The following MEP1A variants were observed in gnomAD, a reference collection of about 807,000 sequenced individuals.
MEP1A encodes the protein N-benzoyl-L-tyrosyl-P-amino-benzoic acid hydrolase subunit alpha.
MEP1A carries 68 observed loss-of-function variants against 84.5 expected under a neutral mutation model. The observed-to-expected ratio is 0.80, with a 90% CI of 0.66 to 0.98. The LOEUF (loss-of-function observed/expected upper bound fraction) is 0.98. MEP1A is among the 50% of genes least tolerant of loss of function. The pLI is 0.00. For synonymous variants in MEP1A, 337 were observed against 336.8 expected (o/e 1.00, Z -0.01); for missense variants, 887 against 919.9 (o/e 0.96, Z 0.46).
In MEP1A at chr6:46,819,625, T is replaced by C; in HGVS notation, c.477T>C (p.His159=). ...CCATCATAGAACACGAGATCCTGCA[T>C]GCTTTGGGATTTTACCACGAGCAGT... ...YKAIIEHEIL[H]ALGFYHEQSR... is the part of the protein sequence containing the mutation. The change falls in exon 7 of 14, where the codon CAT becomes CAC. Residue 159 remains histidine (H), a synonymous_variant. Coordinates refer to ENST00000230588, the MANE Select transcript of MEP1A (RefSeq NM_005588.3). The C allele has an allele frequency of 6.2e-7, 1 of 1,614,138 alleles. No homozygotes were observed. Among genetic ancestry groups the C allele is most frequent in the Non-Finnish European group, 8.5e-7 (1 of 1,179,994 alleles).
intron 10 of MEP1A, among the ~76,000 whole-genome samples, chr6:46,830,342 G>A (rs970315481): frequency 6.7e-6 from 1 of 150,084 alleles, no homozygotes; most frequent in Non-Finnish European, 1.5e-5. Flanking sequence ...TTAATATGCT[G>A]AAGTAACTTG....
downstream of MEP1A, among the ~76,000 whole-genome samples, chr6:46,843,411 C>A (rs1357507119): frequency 6.6e-6 from 1 of 152,186 alleles, no homozygotes; most frequent in Non-Finnish European, 1.5e-5. Flanking sequence ...GTTCACTGGG[C>A]CTGCCAGAGT....
chr6:46,797,363 A>G (rs746766633), intron 3 of MEP1A, among the ~76,000 whole-genome samples: 1 of 152,246 alleles, frequency 6.6e-6, no homozygotes, highest in Non-Finnish European at 1.5e-5. Flanking sequence ...TTAATGCTTG[A>G]GAAATTTTCC....
downstream of MEP1A, among the ~76,000 whole-genome samples, chr6:46,841,865 C>A (rs9296513): frequency 0.71 from 107,734 of 152,118 alleles, 39,080 homozygotes; most frequent in African/African-American, 0.86. Flanking sequence ...TCTGCTACAC[C>A]TTCATATTTG....
rs532353975 is a variant in MEP1A at position 46,797,087 on chromosome 6, G to A, written c.146-1519G>A. 2.6e-3 allele frequency among the ~76,000 whole-genome samples: 396 copies of A among 152,336 alleles called. 1 individual carries two copies. The highest frequency in any genetic ancestry group is 3.9e-3 in the Non-Finnish European group (264 of 68,034). ...GATAGCCCTAGTTAGTCACTGGCAA[G>A]TGAAATCATGATGCCTGCTAATACC... On this transcript the variant is annotated intron_variant, in intron 3 of 13. Transcript: ENST00000230588.
intron 7 of MEP1A, among the ~76,000 whole-genome samples, chr6:46,821,397 C>G (rs908550459): frequency 2.0e-5 from 3 of 152,168 alleles, no homozygotes; most frequent in African/African-American, 7.2e-5. Flanking sequence ...AGTTTTGGAG[C>G]ATATTCACCC....
intron 5 of MEP1A, among the ~76,000 whole-genome samples, chr6:46,807,814 A>G (rs190744409): frequency 3.5e-4 from 52 of 149,896 alleles, no homozygotes; most frequent in Middle Eastern, 7.0e-3. Context: ...AAAGAAAGAA[A>G]GAAAGAAAGA....
chr6:46,819,712 T>C lies in MEP1A; in HGVS notation c.556+8T>C. 6.2e-7 allele frequency: 1 copy of C among 1,611,988 alleles called. No homozygotes were observed. The highest frequency in any genetic ancestry group is 8.5e-7 in the Non-Finnish European group (1 of 1,178,880). On this transcript the variant is annotated splice_region_variant and intron_variant, in intron 7 of 13. Coordinates refer to ENST00000230588, the MANE Select transcript of MEP1A (RefSeq NM_005588.3). The stretch of plus-strand genomic sequence containing the variant: ...GGGACCAAATTCTTTCAGGTGTGAT[T>C]GGGCGGAGATTGCTATCACATTTAT...
chr6:46,825,903 TG>T (rs1767931763), intron 8 of MEP1A, among the ~76,000 whole-genome samples: 1 of 152,242 alleles, frequency 6.6e-6, no homozygotes, highest in African/African-American at 2.4e-5. Flanking sequence ...GAAAGCATTT[TG>T]TATCCTGTAA....
At chr6:46,820,173 AAAAACAAAAAT>A (rs1184629126) in intron 7 of MEP1A, among the ~76,000 whole-genome samples, 1 of 152,210 alleles carries the variant, frequency 6.6e-6, no homozygotes, top group Non-Finnish European at 1.5e-5. Flanking sequence ...GTTTAAAAAC[AAAAACAAAAAT>A]AAATGCTTTT....
chr6:46,796,006 A>T (rs1156364262), intron 3 of MEP1A, among the ~76,000 whole-genome samples: 1 of 152,136 alleles, frequency 6.6e-6, no homozygotes, highest in Non-Finnish European at 1.5e-5. Flanking sequence ...TCAGAGTGTG[A>T]GTCAATCTGC....
rs1420616959 is a variant in MEP1A, at chr6:46,839,505, G to T, written c.*369G>T. ...GGCACATTGTTGGCACTCAACAATG[G>T]TTGAATGAATAAAACAATAAATGAA... On this transcript the variant is annotated 3_prime_UTR_variant, in exon 14 of 14. Coordinates refer to ENST00000230588, the MANE Select transcript of MEP1A (RefSeq NM_005588.3). The T allele has an allele frequency of 1.2e-5, 2 of 162,118 alleles. No homozygotes were observed. Among genetic ancestry groups the T allele is most frequent in the African/African-American group, 4.8e-5 (2 of 41,780 alleles). The allele number at this position is 162,118 out of a possible 1,614,324, so 10.0% of individuals were successfully genotyped here.
Position 46,839,104 on chromosome 6 carries a change from A to G in MEP1A, c.2209A>G (p.Ile737Val). The G allele has an allele frequency of 6.2e-7, 1 of 1,612,960 alleles. No homozygotes were observed. The highest frequency in any genetic ancestry group is 8.5e-7 in the Non-Finnish European group (1 of 1,179,802). ...CGTGATCTTCTTGACCTTCTCCATC[A>G]TCGCCATCCTTTCCCAAAGGCCAAG... Reference protein sequence around the residue: ...AGVIFLTFSIIAILSQRPRK With the variant: ...AGVIFLTFSIVAILSQRPRK Residue 737 changes from isoleucine to valine, a missense_variant, in exon 14 of 14, where the codon ATC becomes GTC. Coordinates refer to ENST00000230588, the MANE Select transcript of MEP1A (RefSeq NM_005588.3).
Position 46,835,274 on chromosome 6 carries a change from A to T in MEP1A, c.1809A>T (p.Glu603Asp). 6.2e-7 allele frequency: 1 copy of T among 1,601,792 alleles called. No homozygotes were observed. Among genetic ancestry groups the T allele is most frequent in the Non-Finnish European group, 8.5e-7 (1 of 1,174,710 alleles). The change falls in exon 13 of 14, where the codon GAA becomes GAT. Residue 603 changes from glutamate (E) to aspartate (D), a missense_variant. Coordinates refer to ENST00000230588, the MANE Select transcript of MEP1A (RefSeq NM_005588.3). ...FEDITHLSQT[E>D]VPTKGKRLSP... ...ATATCACCCACCTCAGCCAGACTGA[A>T]GTTCCCACTAAAGGCAAAAGACTGA... is the stretch of plus-strand genomic sequence containing the variant.
At position 46,819,658 on chromosome 6, in the gene MEP1A, G is replaced by A. The variant is rs552238835; in HGVS notation, c.510G>A (p.Thr170=). 29 of 1,614,038 alleles carry A rather than the reference G, an allele frequency of 1.8e-5. No homozygotes were observed. In the South Asian group the frequency reaches 2.2e-4, roughly 12 times the overall value. Residue 170 remains threonine (T), a synonymous_variant, in exon 7 of 14, where the codon ACG becomes ACA. Transcript: ENST00000230588. ...ALGFYHEQSR[T]DRDDYVNIWW... is the part of the protein sequence containing the mutation. Reference sequence around the variant, plus strand: ...GATTTTACCACGAGCAGTCAAGGACGGACCGGGATGATTATGTGAACATCT... The same window carrying A: ...GATTTTACCACGAGCAGTCAAGGACAGACCGGGATGATTATGTGAACATCT...
intron 3 of MEP1A, among the ~76,000 whole-genome samples, chr6:46,796,886 G>A (rs576850445): frequency 1.3e-5 from 2 of 152,304 alleles, no homozygotes; most frequent in African/African-American, 2.4e-5. Flanking sequence ...AAGAATAGAT[G>A]GACCAGAACA....
chr6:46,813,626 G>A (rs1767559202), intron 6 of MEP1A, among the ~76,000 whole-genome samples: 2 of 151,834 alleles, frequency 1.3e-5, no homozygotes, highest in African/African-American at 4.8e-5. Context: ...TTTTTTCACT[G>A]TGTTATTGTT....
At chr6:46,801,221 A>G (rs1011578615) in intron 5 of MEP1A, among the ~76,000 whole-genome samples, 1 of 152,154 alleles carries the variant, frequency 6.6e-6, no homozygotes, top group African/African-American at 2.4e-5. Flanking sequence ...TGGCTGTGCC[A>G]TTGTACACTC....
In MEP1A at chr6:46,835,379, C is replaced by G. The variant is rs1768194065; in HGVS notation, c.1914C>G (p.Ala638=). 6.2e-7 allele frequency: 1 copy of G among 1,612,028 alleles called. No individual in the cohort carries two copies. The highest frequency in any genetic ancestry group is 8.5e-7 in the Non-Finnish European group (1 of 1,179,102). Residue 638 remains alanine, a synonymous_variant, in exon 13 of 14, where the codon GCC becomes GCG. Coordinates refer to ENST00000230588, the MANE Select transcript of MEP1A (RefSeq NM_005588.3). ...EGSGKAMLEE[A]LPVSLSQGQP... ...CGGGAAAGGCCATGTTAGAGGAAGC[C>G]CTACCTGTCAGCCTGAGCCAGGGGC...
Sources: allele counts gnomAD v4.1 joint callset (sites outside exome capture counted in the v4.1 genomes callset), GRCh38; gene constraint gnomAD v4.1.1; transcripts MANE v1.5; gene names NCBI Gene and HGNC (gene_info 2026-07-23, HGNC 2026-07-21).